Variants in ADAM22 observed in about 807,000 individuals in gnomAD.
ADAM22 encodes the protein ADAM metallopeptidase domain 22.
ADAM22 carries 65 observed loss-of-function variants against 144.6 expected under a neutral mutation model. That is an observed-to-expected ratio of 0.45 (90% CI 0.37 to 0.55). The LOEUF is 0.55. Ranked by LOEUF, ADAM22 falls within the 20% of genes least tolerant of loss-of-function variation. The pLI, the probability that ADAM22 is intolerant of heterozygous loss-of-function variation, is 0.00. For missense variants in ADAM22, 974 were observed against 1,184.9 expected (o/e 0.82, Z 2.61); for synonymous variants, 391 against 412.6 (o/e 0.95, Z 0.63).
rs751815014 is a variant in ADAM22, at chr7:88,182,008, C to T, written c.2647C>T (p.Arg883Trp). 8 of 1,613,556 alleles carry T rather than the reference C, an allele frequency of 5.0e-6. No individual in the cohort carries two copies. Among genetic ancestry groups the T allele is most frequent in the South Asian group, 1.1e-5 (1 of 91,044 alleles). Residue 883 changes from arginine to tryptophan, a missense_variant, in exon 29 of 32, where the codon CGG becomes TGG. Arg to Trp is a moderately radical substitution (Grantham distance 101, BLOSUM62 -3). Transcript: ENST00000413139. ...AATCAGAGGCAAAAGATTTAGACCT[C>T]GGTCTAATTCAACTGAGTAAGTCTG... ...KKIRGKRFRPRSNSTEYLNPW... is the reference protein window; with the variant it reads ...KKIRGKRFRPWSNSTEYLNPW...
At chr7:88,162,875 C>T (rs1842054008) in intron 22 of ADAM22, 137 bp from the exon 23 acceptor site, 4 of 754,782 alleles carry the variant, frequency 5.3e-6, no homozygotes, top group Non-Finnish European at 8.2e-6. Context: ...TGAGATTGAA[C>T]TGGCTTATGC....
intron 20 of ADAM22, among the ~76,000 whole-genome samples, chr7:88,152,873 GT>G (rs1352534283): frequency 1.2e-4 from 18 of 152,022 alleles, no homozygotes; most frequent in Non-Finnish European, 2.5e-4. Context: ...TAGAGACGGG[GT>G]TTCACCATGT....
At chr7:88,085,301 GGATGCAAATTTAAAATTAAAGTGTTATT>G (rs1275404796) in intron 4 of ADAM22, among the ~76,000 whole-genome samples, 22 of 151,372 alleles carry the variant, frequency 1.5e-4, no homozygotes, top group African/African-American at 5.2e-4. Flanking sequence ...TGTATCCTAA[GGATGCAAATTTAAAATTAAAGTGTTATT>G]CCAAATTTAA....
chr7:87,982,068 TACACACACAC>T (rs1175758724), intron 3 of ADAM22, among the ~76,000 whole-genome samples: 7 of 93,720 alleles, frequency 7.5e-5, no homozygotes, highest in Admixed American at 1.3e-4. Flanking sequence ...TATATATATA[TACACACACAC>T]ACACACACAC....
intron 7 of ADAM22, among the ~76,000 whole-genome samples, chr7:88,122,185 T>G (rs897556216): frequency 2.6e-5 from 4 of 152,214 alleles, no homozygotes; most frequent in African/African-American, 9.6e-5. Context: ...GGTTTCTTGC[T>G]GGCTTTTGGC....
chr7:88,139,999 C>T (rs529110944), intron 14 of ADAM22, among the ~76,000 whole-genome samples: 7 of 152,140 alleles, frequency 4.6e-5, no homozygotes, highest in Non-Finnish European at 8.8e-5. Flanking sequence ...CCAGCATCTG[C>T]TTGGCTTCTG....
rs558460353 is a variant in ADAM22, at chr7:88,196,886, G to C, written c.*395G>C. The C allele has an allele frequency of 4.7e-6, 1 of 212,402 alleles. No homozygotes were observed. The highest frequency in any genetic ancestry group is 5.1e-5 in the Admixed American group (1 of 19,574). 13.2% of individuals were successfully genotyped at this position (212,402 alleles called of 1,614,324 possible). A position where few individuals can be genotyped will look rare whatever the true frequency, so the allele number is the denominator to read the frequency against. ...CTGAGGCACATCCTCACTGTAAACA[G>C]TAATGCTATATGCATGAAGCTTCTG... On this transcript the variant is annotated 3_prime_UTR_variant, in exon 32 of 32. Coordinates refer to ENST00000413139, the MANE Select transcript of ADAM22 (RefSeq NM_001324418.2).
intron 3 of ADAM22, among the ~76,000 whole-genome samples, chr7:88,000,825 A>G (rs1792372931): frequency 1.3e-5 from 2 of 152,190 alleles, no homozygotes; most frequent in African/African-American, 2.4e-5. Flanking sequence ...AGGAATGAAT[A>G]CAATTTTATT....
At chr7:88,018,276 G>A (rs1165976534) in intron 3 of ADAM22, among the ~76,000 whole-genome samples, 1 of 152,042 alleles carries the variant, frequency 6.6e-6, no homozygotes, top group Non-Finnish European at 1.5e-5. Flanking sequence ...AGAAACCACC[G>A]TTCTCTTTGT....
chr7:87,943,534 T>C (rs193096788), intron 2 of ADAM22, among the ~76,000 whole-genome samples: 27 of 152,334 alleles, frequency 1.8e-4, no homozygotes, highest in Admixed American at 5.2e-4. Context: ...TGCTGTATTT[T>C]TTAAAATAGA....
At chr7:88,037,051 G>T (rs574675670) in intron 3 of ADAM22, among the ~76,000 whole-genome samples, 2 of 152,136 alleles carry the variant, frequency 1.3e-5, no homozygotes, top group Admixed American at 6.5e-5. Context: ...ATATGCAAAA[G>T]AATTGAAAAT....
intron 6 of ADAM22, 142 bp from the exon 7 acceptor site, chr7:88,116,603 G>A (rs1296167467): frequency 1.6e-6 from 1 of 625,634 alleles, no homozygotes; most frequent in Non-Finnish European, 2.8e-6. Context: ...AGGAGGGGTT[G>A]GGCAATGGTT....
At chr7:87,947,314 A>G (rs981450536) in intron 2 of ADAM22, among the ~76,000 whole-genome samples, 1 of 151,638 alleles carries the variant, frequency 6.6e-6, no homozygotes, top group Non-Finnish European at 1.5e-5. Flanking sequence ...AATAGTACAT[A>G]GCTTTTTTTC....
chr7:88,169,382 G>A (rs1586440747), intron 25 of ADAM22, among the ~76,000 whole-genome samples: 1 of 152,032 alleles, frequency 6.6e-6, no homozygotes, highest in African/African-American at 2.4e-5. Context: ...GATTAAATGA[G>A]CATCTAGCCC....
intron 22 of ADAM22, among the ~76,000 whole-genome samples, chr7:88,157,730 C>G (rs1840377888): frequency 6.6e-6 from 1 of 152,060 alleles, no homozygotes; most frequent in Admixed American, 6.6e-5. Flanking sequence ...CTCCAGGAGA[C>G]CTTCATAAAT....
chr7:88,036,149 T>C (rs1298878121), intron 3 of ADAM22, among the ~76,000 whole-genome samples: 1 of 152,184 alleles, frequency 6.6e-6, no homozygotes, highest in African/African-American at 2.4e-5. Flanking sequence ...CATTTGGAAA[T>C]AATCTCTGCA....
chr7:88,021,165 TG>T (rs1370381577), intron 3 of ADAM22, among the ~76,000 whole-genome samples: 1 of 152,174 alleles, frequency 6.6e-6, no homozygotes, highest in Admixed American at 6.5e-5. Flanking sequence ...GTCAGCCTCT[TG>T]GGGCACAGGG....
intron 2 of ADAM22, among the ~76,000 whole-genome samples, chr7:87,936,853 A>G (rs1242057762): frequency 1.4e-5 from 2 of 146,744 alleles, no homozygotes; most frequent in African/African-American, 5.0e-5. Flanking sequence ...GTGTGTATAT[A>G]TATTATATAT....
At chr7:88,096,138 G>A (rs932803007) in intron 4 of ADAM22, among the ~76,000 whole-genome samples, 4 of 151,858 alleles carry the variant, frequency 2.6e-5, no homozygotes, top group African/African-American at 9.7e-5. Context: ...TCCCAGACTG[G>A]TCTCGAACTC....
Sources: gnomAD v4.1 joint callset for allele counts (sites outside exome capture counted in the v4.1 genomes callset) on GRCh38, gnomAD v4.1.1 for gene constraint, MANE v1.5 for transcripts, NCBI Gene and HGNC (gene_info 2026-07-23, HGNC 2026-07-21) for gene names.